ITSN2: variants seen among roughly 807,000 people sequenced by gnomAD.
The protein encoded by ITSN2 is intersectin-2.
Under a neutral mutation model 243.7 loss-of-function variants are expected in ITSN2, and 156 were observed. The observed-to-expected ratio is 0.64, with a 90% CI of 0.56 to 0.73. ITSN2 has a LOEUF of 0.73. Among genes scored for constraint, ITSN2 ranks in the 30% least tolerant of loss-of-function variants. The probability of loss-of-function intolerance (pLI) is 0.00; values close to 1 mark genes in which losing one functional copy is unlikely to be tolerated. For missense variants in ITSN2, 1,801 were observed against 1,996.1 expected (o/e 0.90, Z 1.86); for synonymous variants, 703 against 699.9 (o/e 1.00, Z -0.07).
At position 24,319,617 on chromosome 2, in the gene ITSN2, G is replaced by A. The variant is rs114813763; in HGVS notation, c.32-4393C>T. 1.9e-3 allele frequency among the ~76,000 whole-genome samples: 289 copies of A among 152,250 alleles called. 2 individuals are homozygous for A. The highest frequency in any genetic ancestry group is 6.9e-3 in the African/African-American group (287 of 41,532). On this transcript the variant is annotated intron_variant, in intron 2 of 39. Transcript: ENST00000355123. Reference sequence around the variant, plus strand: ...AACAAAACAAGTGGGACTAATTTGGGCAATCCCTCCAAAAACAAGGACTAG... The same window carrying A: ...AACAAAACAAGTGGGACTAATTTGGACAATCCCTCCAAAAACAAGGACTAG...
At position 24,203,594 on chromosome 2, in the gene ITSN2, G is replaced by GGCTGTCCCGCTGGT. The variant is rs1272459968; in HGVS notation, c.*18_*31dup. On this transcript the variant is annotated 3_prime_UTR_variant, in exon 40 of 40. Coordinates refer to ENST00000355123, the MANE Select transcript of ITSN2 (RefSeq NM_006277.3). ...CTCATTCTCCAGCCCCAGCCTTGTGGGCTGTCCCGCTGGTGCTGTCCTTTA... is the reference window on the plus strand; with the variant it reads ...CTCATTCTCCAGCCCCAGCCTTGTGGGCTGTCCCGCTGGTGCTGTCCCGCTGGTGCTGTCCTTTA... 2 of 1,599,950 alleles carry GGCTGTCCCGCTGGT rather than the reference G, an allele frequency of 1.3e-6. No individual in the cohort carries two copies. The highest frequency in any genetic ancestry group is 2.2e-5 in the East Asian group (1 of 44,612).
chr2:24,277,671 T>TC (rs150065998), intron 17 of ITSN2, among the ~76,000 whole-genome samples: 29 of 152,338 alleles, frequency 1.9e-4, no homozygotes, highest in African/African-American at 6.5e-4. Flanking sequence ...ACTAGCTGTA[T>TC]AACCTTAGGA....
intron 1 of ITSN2, among the ~76,000 whole-genome samples, chr2:24,331,685 G>C (rs1685801091): frequency 6.6e-6 from 1 of 152,034 alleles, no homozygotes; most frequent in African/African-American, 2.4e-5. Flanking sequence ...GTTGAGACCT[G>C]ACCCCCCAAT....
intron 18 of ITSN2, among the ~76,000 whole-genome samples, chr2:24,273,204 C>T (rs1677591882): frequency 6.6e-6 from 1 of 152,194 alleles, no homozygotes; most frequent in Non-Finnish European, 1.5e-5. Context: ...CTGTTTCAGA[C>T]TTCATACTGC....
At chr2:24,206,697 G>A (rs951181047) in intron 37 of ITSN2, among the ~76,000 whole-genome samples, 1 of 152,170 alleles carries the variant, frequency 6.6e-6, no homozygotes, top group Non-Finnish European at 1.5e-5. Flanking sequence ...TAAGTCACAT[G>A]CTGGCCCCGA....
At chr2:24,220,784 A>T in intron 30 of ITSN2, 161 bp downstream of exon 30, 2 of 1,426,866 alleles carry the variant, frequency 1.4e-6, no homozygotes, top group Non-Finnish European at 1.8e-6. Context: ...CAGAGACAGC[A>T]TTTGGAGGAT....
intron 36 of ITSN2, 67 bp from the exon 37 acceptor site, chr2:24,208,386 G>T: frequency 8.6e-7 from 1 of 1,156,520 alleles, no homozygotes. Context: ...GAGCCCCAGA[G>T]CTCTGCACAT....
intron 8 of ITSN2, among the ~76,000 whole-genome samples, chr2:24,304,111 A>G (rs989439090): frequency 2.6e-5 from 4 of 152,342 alleles, no homozygotes; most frequent in Admixed American, 2.6e-4. Flanking sequence ...CAAGATAATA[A>G]TACACACAAG....
At chr2:24,279,733 T>TC (rs2151511832) in intron 17 of ITSN2, among the ~76,000 whole-genome samples, 1 of 142,316 alleles carries the variant, frequency 7.0e-6, no homozygotes. Flanking sequence ...TTTCTTTTTT[T>TC]TTTTTTTTTT....
chr2:24,351,293 T>C (rs921478366), intron 1 of ITSN2, among the ~76,000 whole-genome samples: 3 of 152,230 alleles, frequency 2.0e-5, no homozygotes, highest in South Asian at 2.1e-4. Context: ...CCCGCTTCTA[T>C]TAGACTGTGA....
chr2:24,334,505 T>G (rs535046875), intron 1 of ITSN2: 3 of 731,028 alleles, frequency 4.1e-6, no homozygotes, highest in East Asian at 2.9e-5. Flanking sequence ...ATAGCGCTCA[T>G]GCAAACATGG....
At chr2:24,320,247 C>T (rs1261342181) in intron 2 of ITSN2, among the ~76,000 whole-genome samples, 1 of 151,838 alleles carries the variant, frequency 6.6e-6, no homozygotes, top group African/African-American at 2.4e-5. Flanking sequence ...AGGCTGGGCG[C>T]GGTGGCTCAC....
intron 1 of ITSN2, 130 bp from the exon 2 acceptor site, chr2:24,328,245 T>C (rs1278119667): frequency 3.3e-6 from 2 of 604,770 alleles, no homozygotes; most frequent in Non-Finnish European, 5.8e-6. Flanking sequence ...GCAGAGCTTC[T>C]GCTGCTGCTG....
intron 37 of ITSN2, chr2:24,206,162 A>C (rs1172956545): frequency 1.7e-5 from 6 of 353,150 alleles, no homozygotes; most frequent in African/African-American, 4.5e-5. Flanking sequence ...TTATGAAATG[A>C]TCAATCATTG....
At chr2:24,205,101 C>T (rs767662915) in intron 38 of ITSN2, 113 bp downstream of exon 38, 11 of 789,760 alleles carry the variant, frequency 1.4e-5, no homozygotes, top group Admixed American at 9.9e-5. Context: ...GAGCCAAGAT[C>T]GTGCCACTGC....
intron 1 of ITSN2, chr2:24,334,595 G>C (rs1686147363): frequency 9.5e-7 from 1 of 1,056,204 alleles, no homozygotes; most frequent in African/African-American, 1.6e-5. Context: ...AGTACAAGAA[G>C]GGCAAGAATT....
chr2:24,349,239 G>C (rs977917742), intron 1 of ITSN2, among the ~76,000 whole-genome samples: 1 of 152,032 alleles, frequency 6.6e-6, no homozygotes, highest in Non-Finnish European at 1.5e-5. Context: ...TTGTAACATG[G>C]AATTTGTTAC....
intron 1 of ITSN2, among the ~76,000 whole-genome samples, chr2:24,350,526 A>C (rs1687927290): frequency 6.6e-6 from 1 of 152,238 alleles, no homozygotes; most frequent in Non-Finnish European, 1.5e-5. Context: ...ACAAATGCTC[A>C]CAGCAGCATT....
In ITSN2 at chr2:24,310,807, G is replaced by T. The variant is rs577620942; in HGVS notation, c.353-115C>A. 60 of 802,610 alleles carry T rather than the reference G, an allele frequency of 7.5e-5. No homozygotes were observed. In the African/African-American group the frequency reaches 1.0e-3, roughly 13 times the overall value. 49.7% of individuals were successfully genotyped at this position (802,610 alleles called of 1,614,324 possible). A position where few individuals can be genotyped will look rare whatever the true frequency, so the allele number is the denominator to read the frequency against. ...TCTATGTTTACCAAAACACACAGAT[G>T]AATTATCCTTAAAAAACTCACTACT... On this transcript the variant is annotated intron_variant, in intron 5 of 39. Transcript: ENST00000355123.
Sources: allele counts gnomAD v4.1 joint callset (sites outside exome capture counted in the v4.1 genomes callset), GRCh38; gene constraint gnomAD v4.1.1; transcripts MANE v1.5; gene names NCBI Gene and HGNC (gene_info 2026-07-23, HGNC 2026-07-21).